The following LRRC3B variants were observed in gnomAD, a reference collection of about 807,000 sequenced individuals.
LRRC3B encodes the protein leucine-rich repeat-containing protein 3B.
A neutral mutation model predicts 12.8 loss-of-function variants in LRRC3B; 2 were observed. The ratio of observed to expected loss-of-function variants is 0.16; its 90% confidence interval spans 0.06 to 0.49. LRRC3B has a LOEUF of 0.49. LRRC3B is among the 20% of genes least tolerant of loss of function. The pLI, the probability that LRRC3B is intolerant of heterozygous loss-of-function variation, is 0.96. For missense variants in LRRC3B, 189 were observed against 319.4 expected, an observed-to-expected ratio of 0.59 and a Z score of 3.11; for synonymous variants, 132 against 122.0, an observed-to-expected ratio of 1.08 and a Z score of -0.54.
At chr3:26,695,381 G>A (rs1214187588) in intron 1 of LRRC3B, among the ~76,000 whole-genome samples, 1 of 152,098 alleles carries the variant, frequency 6.6e-6, no homozygotes, top group Admixed American at 6.5e-5. Context: ...CAAAAAATTA[G>A]CCGGGCATTG....
rs1186942021 is a variant in LRRC3B, at chr3:26,671,346, G to GTATA, written c.-160-38166_-160-38165insATAT. On this transcript the variant is annotated intron_variant, in intron 1 of 1. Transcript: ENST00000396641. ...ATCTTATAAATGTGTGTGTATATATGTGTGTATATATATATATATATATAT... is the reference window on the plus strand; with the variant it reads ...ATCTTATAAATGTGTGTGTATATATGTATATGTGTATATATATATATATATATAT... Among the ~76,000 whole-genome samples, 310 of 56,242 alleles carry GTATA rather than the reference G, an allele frequency of 5.5e-3. 29 individuals carry two copies. The highest frequency in any genetic ancestry group is 0.033 in the Middle Eastern group (3 of 92). The allele number at this position is 56,242 out of a possible 152,430, so 36.9% of individuals were successfully genotyped here. A position where few individuals can be genotyped will look rare whatever the true frequency, so the allele number is the denominator to read the frequency against.
At chr3:26,647,606 A>G (rs1699179992) in intron 1 of LRRC3B, among the ~76,000 whole-genome samples, 2 of 152,144 alleles carry the variant, frequency 1.3e-5, no homozygotes, top group Admixed American at 1.3e-4. Context: ...CCCAGCCCAA[A>G]TTATCCTCTT....
chr3:26,652,333 G>A (rs1020688269), intron 1 of LRRC3B, among the ~76,000 whole-genome samples: 15 of 152,194 alleles, frequency 9.9e-5, no homozygotes, highest in Admixed American at 9.2e-4. Context: ...ATCCTCTCCC[G>A]TTCTCACAGT....
chr3:26,674,097 G>T (rs1699808479), intron 1 of LRRC3B, among the ~76,000 whole-genome samples: 1 of 152,132 alleles, frequency 6.6e-6, no homozygotes, highest in Non-Finnish European at 1.5e-5. Flanking sequence ...AGCATACTCT[G>T]CATTTTATAG....
intron 1 of LRRC3B, among the ~76,000 whole-genome samples, chr3:26,697,094 G>A (rs140916738): frequency 0.021 from 3,175 of 152,188 alleles, 49 homozygotes; most frequent in Non-Finnish European, 0.029. Flanking sequence ...AGATAGAATT[G>A]ACTTCAAGTT....
At position 26,691,067 on chromosome 3, in the gene LRRC3B, ATATATG is replaced by A. The variant is rs1319404559; in HGVS notation, c.-160-18438_-160-18433del. Among the ~76,000 whole-genome samples, 6 of 141,868 alleles carry A rather than the reference ATATATG, an allele frequency of 4.2e-5. No individual in the cohort carries two copies. The East Asian group carries it at 1.3e-3, about 30-fold the overall frequency. The allele number at this position is 141,868 out of a possible 152,430, so 93.1% of individuals were successfully genotyped here. A position where few individuals can be genotyped will look rare whatever the true frequency, so the allele number is the denominator to read the frequency against. On this transcript the variant is annotated intron_variant, in intron 1 of 1. Transcript: ENST00000396641. ...TATATGTATATATGTACATACATATATATATGTATATGTGTGTGTGTATATGTGTGT... is the reference window on the plus strand; with the variant it reads ...TATATGTATATATGTACATACATATATATATGTGTGTGTGTATATGTGTGT...
At chr3:26,694,978 G>A (rs567213901) in intron 1 of LRRC3B, among the ~76,000 whole-genome samples, 4 of 152,056 alleles carry the variant, frequency 2.6e-5, no homozygotes, top group East Asian at 1.9e-4. Flanking sequence ...CCCCAGAACC[G>A]TCCCCTAAAG....
chr3:26,633,853 T>A (rs755042822), intron 1 of LRRC3B, among the ~76,000 whole-genome samples: 15 of 152,198 alleles, frequency 9.9e-5, no homozygotes, highest in Admixed American at 5.2e-4. Flanking sequence ...GTCCTTTTTT[T>A]AAAATTTTCC....
intron 1 of LRRC3B, among the ~76,000 whole-genome samples, chr3:26,704,192 A>T (rs1700526817): frequency 6.6e-6 from 1 of 152,142 alleles, no homozygotes; most frequent in South Asian, 2.1e-4. Context: ...AAATCTACAC[A>T]AATGTGATTA....
intron 1 of LRRC3B, among the ~76,000 whole-genome samples, chr3:26,655,114 A>G (rs1168895756): frequency 2.0e-5 from 3 of 152,162 alleles, no homozygotes; most frequent in South Asian, 2.1e-4. Context: ...TCAATGGAAA[A>G]CTAGTGCCAC....
At chr3:26,697,584 A>AT (rs1256482826) in intron 1 of LRRC3B, among the ~76,000 whole-genome samples, 1 of 152,188 alleles carries the variant, frequency 6.6e-6, no homozygotes, top group Admixed American at 6.5e-5. Context: ...TTTTTAGACC[A>AT]TTTTTGGCTT....
At chr3:26,704,825 A>G (rs1387181663) in intron 1 of LRRC3B, among the ~76,000 whole-genome samples, 3 of 152,100 alleles carry the variant, frequency 2.0e-5, no homozygotes, top group African/African-American at 7.2e-5. Flanking sequence ...TTTGCCATAG[A>G]GAAGTTTTAA....
chr3:26,675,885 ATGG>A (rs1256032864), intron 1 of LRRC3B, among the ~76,000 whole-genome samples: 2 of 151,974 alleles, frequency 1.3e-5, no homozygotes, highest in Non-Finnish European at 2.9e-5. Flanking sequence ...TTATTAAATA[ATGG>A]TGGTAGTTGG....
chr3:26,638,517 A>AC (rs1698951949), intron 1 of LRRC3B, among the ~76,000 whole-genome samples: 2 of 152,308 alleles, frequency 1.3e-5, no homozygotes, highest in African/African-American at 4.8e-5. Context: ...TCTGTCTCAA[A>AC]GTGTGAATCA....
chr3:26,663,330 A>G (rs1290639953), intron 1 of LRRC3B, among the ~76,000 whole-genome samples: 5 of 152,028 alleles, frequency 3.3e-5, no homozygotes, highest in Non-Finnish European at 4.4e-5. Flanking sequence ...CCCCCACCCC[A>G]ATACACACAT....
At chr3:26,708,507 G>GGCAA (rs1553606865) in intron 1 of LRRC3B, among the ~76,000 whole-genome samples, 2 of 151,862 alleles carry the variant, frequency 1.3e-5, no homozygotes, top group Non-Finnish European at 2.9e-5. Flanking sequence ...TTTGACCTTG[G>GGCAA]GTAAGTAACC....
intron 1 of LRRC3B, among the ~76,000 whole-genome samples, chr3:26,648,451 A>C (rs780185757): frequency 6.6e-6 from 1 of 151,892 alleles, no homozygotes; most frequent in Non-Finnish European, 1.5e-5. Context: ...TTTTTGTTTC[A>C]GTAAAAATTT....
intron 1 of LRRC3B, among the ~76,000 whole-genome samples, chr3:26,629,616 C>T (rs1698709909): frequency 6.6e-6 from 1 of 152,172 alleles, no homozygotes; most frequent in Non-Finnish European, 1.5e-5. Flanking sequence ...GATGTCTGGC[C>T]ATCAGGGATT....
intron 1 of LRRC3B, among the ~76,000 whole-genome samples, chr3:26,700,114 G>A (rs781718980): frequency 1.6e-4 from 24 of 152,114 alleles, no homozygotes; most frequent in Non-Finnish European, 3.1e-4. Flanking sequence ...GATTTATCTT[G>A]TGAAATAGAT....
Sources: allele counts gnomAD v4.1 joint callset (sites outside exome capture counted in the v4.1 genomes callset), GRCh38; gene constraint gnomAD v4.1.1; transcripts MANE v1.5; gene names NCBI Gene and HGNC (gene_info 2026-07-23, HGNC 2026-07-21).